AK5: variants seen among roughly 807,000 people sequenced by gnomAD.
AK5 encodes adenylate kinase isoenzyme 5.
In AK5, 27 loss-of-function variants were observed where a neutral mutation model predicts 69.5. The observed-to-expected ratio is 0.39, with a 90% CI of 0.29 to 0.54. The LOEUF is 0.54. AK5 is among the 20% of genes least tolerant of loss of function. The pLI is 0.71. For missense variants in AK5, 531 were observed against 700.4 expected (o/e 0.76, Z 2.73); for synonymous variants, 260 against 244.4 (o/e 1.06, Z -0.60).
chr1:77,392,609 C>T lies in AK5; in HGVS notation c.892-18372C>T, dbSNP rs367885311. 9.9e-5 allele frequency among the ~76,000 whole-genome samples: 15 copies of T among 152,194 alleles called. No homozygotes were observed. In the South Asian group the frequency reaches 2.1e-3, roughly 21 times the overall value. On this transcript the variant is annotated intron_variant, in intron 6 of 13. Transcript: ENST00000354567. ...CCCAGGGAGTTGTGTTCAACTCTCT[C>T]GGCTGTCATTCAGCTGTGTTAATTG...
chr1:77,400,980 G>A (rs2100547788), intron 6 of AK5, among the ~76,000 whole-genome samples: 1 of 144,858 alleles, frequency 6.9e-6, no homozygotes, highest in Middle Eastern at 3.7e-3. Flanking sequence ...GCTTGGTTCA[G>A]CAGGGCTGTA....
chr1:77,346,971 T>G (rs1057151615), intron 6 of AK5, among the ~76,000 whole-genome samples: 1 of 152,222 alleles, frequency 6.6e-6, no homozygotes, highest in Non-Finnish European at 1.5e-5. Context: ...GTTTGTAATG[T>G]GTTACATAAT....
intron 7 of AK5, among the ~76,000 whole-genome samples, chr1:77,412,317 C>A (rs1293101432): frequency 6.6e-6 from 1 of 152,056 alleles, no homozygotes; most frequent in Admixed American, 6.6e-5. Flanking sequence ...TCTTAAGGTC[C>A]CCTTGGTAAA....
At chr1:77,517,878 A>G (rs1485553213) in intron 10 of AK5, among the ~76,000 whole-genome samples, 2 of 152,188 alleles carry the variant, frequency 1.3e-5, no homozygotes, top group African/African-American at 4.8e-5. Flanking sequence ...GACATTATTG[A>G]GTCAATTGGG....
At chr1:77,410,336 A>G (rs1047863741) in intron 6 of AK5, among the ~76,000 whole-genome samples, 25 of 151,946 alleles carry the variant, frequency 1.6e-4, no homozygotes, top group African/African-American at 5.8e-4. Context: ...GGAGTACAGC[A>G]GCGCCATCTT....
At chr1:77,412,006 G>A (rs1650077506) in intron 7 of AK5, among the ~76,000 whole-genome samples, 1 of 152,190 alleles carries the variant, frequency 6.6e-6, no homozygotes. Context: ...ATGAAAACAT[G>A]ACTACTGCTG....
intron 8 of AK5, among the ~76,000 whole-genome samples, chr1:77,458,103 TAAAA>T (rs35612924): frequency 4.7e-5 from 6 of 127,660 alleles, no homozygotes; most frequent in Non-Finnish European, 4.9e-5. Context: ...CCCCATTTCT[TAAAA>T]AAAAAAAAAA....
chr1:77,558,379 G>A (rs1660231103), intron 13 of AK5, among the ~76,000 whole-genome samples: 1 of 151,226 alleles, frequency 6.6e-6, no homozygotes, highest in Non-Finnish European at 1.5e-5. Flanking sequence ...CAGTGCTTTG[G>A]ATTTTGGCTA....
At chr1:77,408,594 G>C (rs879665378) in intron 6 of AK5, among the ~76,000 whole-genome samples, 24 of 151,982 alleles carry the variant, frequency 1.6e-4, no homozygotes, top group Non-Finnish European at 7.4e-5. Flanking sequence ...TTGCTCTGTT[G>C]GTAGTTTCTT....
In AK5 at chr1:77,488,687, C is replaced by T. The variant is rs977068202; in HGVS notation, c.1147+2335C>T. Among the ~76,000 whole-genome samples the T allele has an allele frequency of 5.9e-5, 9 of 152,200 alleles. No homozygotes were observed. The South Asian group carries it at 1.0e-3, about 18-fold the overall frequency. Reference sequence around the variant, plus strand: ...GAGTTTGAGGGTAGGAAGCATCCAGCATGGGGGAAACATGCAGGCTGAGAG... The same window carrying T: ...GAGTTTGAGGGTAGGAAGCATCCAGTATGGGGGAAACATGCAGGCTGAGAG... On this transcript the variant is annotated intron_variant, in intron 10 of 13. Transcript: ENST00000354567.
intron 6 of AK5, among the ~76,000 whole-genome samples, chr1:77,387,716 A>C (rs1172524079): frequency 6.6e-6 from 1 of 152,214 alleles, no homozygotes; most frequent in Non-Finnish European, 1.5e-5. Context: ...ATGTGTCTGA[A>C]AACATACTCC....
chr1:77,391,495 G>GTGTATA lies in AK5; in HGVS notation c.892-19485_892-19484insGTATAT, dbSNP rs1425180466. On this transcript the variant is annotated intron_variant, in intron 6 of 13. Transcript: ENST00000354567. Reference sequence around the variant, plus strand: ...TATGTGTGTGTGTATGTGTGTGTGTGTATATATATATATATATATATATAT... The same window carrying GTGTATA: ...TATGTGTGTGTGTATGTGTGTGTGTGTGTATATATATATATATATATATATATATAT... 3.7e-3 allele frequency among the ~76,000 whole-genome samples: 237 copies of GTGTATA among 63,344 alleles called. 3 individuals carry two copies. Among genetic ancestry groups the GTGTATA allele is most frequent in the Non-Finnish European group, 5.5e-3 (171 of 30,984 alleles). 41.6% of individuals were successfully genotyped at this position (63,344 alleles called of 152,430 possible). A position where few individuals can be genotyped will look rare whatever the true frequency, so the allele number is the denominator to read the frequency against.
chr1:77,524,733 GC>G (rs1658179290), intron 12 of AK5, among the ~76,000 whole-genome samples: 1 of 152,130 alleles, frequency 6.6e-6, no homozygotes, highest in South Asian at 2.1e-4. Context: ...ATGCACAAAA[GC>G]TTTTCATTTT....
At chr1:77,283,721 A>G (rs1187320650) in intron 1 of AK5, 2 of 599,122 alleles carry the variant, frequency 3.3e-6, no homozygotes, top group South Asian at 7.6e-5. Context: ...GGTCTTGAGA[A>G]TATGTGGGAA....
intron 5 of AK5, among the ~76,000 whole-genome samples, chr1:77,322,766 A>C (rs184115238): frequency 1.3e-5 from 2 of 152,256 alleles, no homozygotes; most frequent in Non-Finnish European, 2.9e-5. Context: ...TCCCTAAGCA[A>C]TAAAAAAGGT....
intron 5 of AK5, among the ~76,000 whole-genome samples, chr1:77,304,462 A>G (rs1355010426): frequency 6.6e-6 from 1 of 150,988 alleles, no homozygotes; most frequent in African/African-American, 2.4e-5. Context: ...CTGGAATGCA[A>G]TGGCACAATC....
intron 5 of AK5, among the ~76,000 whole-genome samples, chr1:77,317,363 A>G (rs905887436): frequency 2.6e-5 from 4 of 152,060 alleles, no homozygotes; most frequent in African/African-American, 7.2e-5. Context: ...ATCACTTTCT[A>G]TTTGTTAAGA....
At chr1:77,426,698 C>G (rs1473477994) in intron 8 of AK5, among the ~76,000 whole-genome samples, 1 of 152,162 alleles carries the variant, frequency 6.6e-6, no homozygotes, top group South Asian at 2.1e-4. Context: ...ACATTCTTCT[C>G]AAGCTCACAT....
intron 12 of AK5, among the ~76,000 whole-genome samples, chr1:77,527,535 C>G (rs955431110): frequency 6.6e-6 from 1 of 152,218 alleles, no homozygotes; most frequent in Non-Finnish European, 1.5e-5. Flanking sequence ...ATTCATGATT[C>G]CATTTCAAAC....
Sources: allele counts gnomAD v4.1 joint callset (sites outside exome capture counted in the v4.1 genomes callset), GRCh38; gene constraint gnomAD v4.1.1; transcripts MANE v1.5; gene names NCBI Gene and HGNC (gene_info 2026-07-23, HGNC 2026-07-21).